Variants in GPR137C observed in about 807,000 individuals in gnomAD.
GPR137C encodes the protein integral membrane protein GPR137C.
Under a neutral mutation model 43.4 loss-of-function variants are expected in GPR137C, and 27 were observed. That is an observed-to-expected ratio of 0.62 (90% CI 0.46 to 0.86). GPR137C has a LOEUF of 0.86. GPR137C is among the 40% of genes least tolerant of loss of function. The probability of loss-of-function intolerance (pLI) is 0.00; values close to 1 mark genes in which losing one functional copy is unlikely to be tolerated. For synonymous variants in GPR137C, 285 were observed against 226.9 expected (o/e 1.26, Z -2.30); for missense variants, 522 against 534.6 (o/e 0.98, Z 0.23).
intron 3 of GPR137C, among the ~76,000 whole-genome samples, chr14:52,629,778 A>G (rs2039273450): frequency 6.6e-6 from 1 of 152,190 alleles, no homozygotes; most frequent in Admixed American, 6.5e-5. Context: ...ACATTTGTCA[A>G]AACTCAATGA....
Position 52,553,179 on chromosome 14 carries a change from C to G in GPR137C, c.32C>G (p.Ala11Gly), listed in dbSNP as rs1318235627. MRVSVPGPAA[A>G]AAPAAGREPS... is the part of the protein sequence containing the mutation. ...GTGTCCGTGCCGGGTCCGGCGGCCG[C>G]TGCCGCCCCCGCAGCCGGCCGCGAG... The change falls in exon 1 of 7, where the codon GCT becomes GGT. Residue 11 changes from alanine (A) to glycine (G), a missense_variant. Ala to Gly is a moderately conservative substitution (Grantham distance 60). Around this residue, in one of 3 missense-constraint regions of GPR137C, gnomAD observed 437 missense variants for 425.7 expected, o/e 1.03. Coordinates refer to ENST00000321662, the MANE Select transcript of GPR137C (RefSeq NM_001099652.2). 52 of 1,191,120 alleles carry G rather than the reference C, an allele frequency of 4.4e-5. No individual in the cohort carries two copies. The highest frequency in any genetic ancestry group is 4.9e-5 in the Non-Finnish European group (47 of 963,648). 73.8% of individuals were successfully genotyped at this position (1,191,120 alleles called of 1,614,324 possible). A position where few individuals can be genotyped will look rare whatever the true frequency, so the allele number is the denominator to read the frequency against.
intron 1 of GPR137C, among the ~76,000 whole-genome samples, chr14:52,568,671 C>T (rs1247757985): frequency 6.6e-6 from 1 of 152,232 alleles, no homozygotes; most frequent in African/African-American, 2.4e-5. Context: ...GTAAACAAAG[C>T]CACCTGGAAG....
At chr14:52,585,121 A>G (rs2038696386) in intron 1 of GPR137C, among the ~76,000 whole-genome samples, 1 of 152,236 alleles carries the variant, frequency 6.6e-6, no homozygotes, top group Non-Finnish European at 1.5e-5. Flanking sequence ...AGAAAAAAAT[A>G]GAATCCATCT....
Position 52,553,598 on chromosome 14 carries a change from CGGG to C in GPR137C, c.444+8_444+10del, listed in dbSNP as rs1004419652. 2 of 1,535,288 alleles carry C rather than the reference CGGG, an allele frequency of 1.3e-6. No individual in the cohort carries two copies. Among genetic ancestry groups the C allele is most frequent in the African/African-American group, 2.8e-5 (2 of 72,540 alleles). ...CAACCTCTACCTGGCGGAGGTAAGG[CGGG>C]AGGGCCGGCATGCGGGGCCCGGGCG... On this transcript the variant is annotated splice_region_variant and intron_variant, in intron 1 of 6. Coordinates refer to ENST00000321662, the MANE Select transcript of GPR137C (RefSeq NM_001099652.2).
At chr14:52,587,857 G>A (rs1594792072) in intron 1 of GPR137C, among the ~76,000 whole-genome samples, 1 of 152,308 alleles carries the variant, frequency 6.6e-6, no homozygotes, top group Non-Finnish European at 1.5e-5. Flanking sequence ...GGAAGGTGGA[G>A]CTAGGCAATA....
At chr14:52,582,139 A>C (rs2038656037) in intron 1 of GPR137C, among the ~76,000 whole-genome samples, 2 of 152,188 alleles carry the variant, frequency 1.3e-5, no homozygotes, top group African/African-American at 4.8e-5. Context: ...CCAGTGTCTG[A>C]TAAGGATCCA....
At chr14:52,622,981 TAC>T (rs557744753) in intron 3 of GPR137C, among the ~76,000 whole-genome samples, 116 of 152,264 alleles carry the variant, frequency 7.6e-4, no homozygotes, top group Non-Finnish European at 1.2e-3. Flanking sequence ...CCAATAATTT[TAC>T]ACACAATTGG....
At chr14:52,570,685 G>A (rs933288661) in intron 1 of GPR137C, among the ~76,000 whole-genome samples, 3 of 152,086 alleles carry the variant, frequency 2.0e-5, no homozygotes, top group Non-Finnish European at 2.9e-5. Flanking sequence ...AAAAAAAGCA[G>A]GGGTTGCAAT....
At chr14:52,628,461 G>GA (rs1158630461) in intron 3 of GPR137C, among the ~76,000 whole-genome samples, 3 of 152,004 alleles carry the variant, frequency 2.0e-5, no homozygotes, top group Non-Finnish European at 4.4e-5. Flanking sequence ...AAGTAACCAT[G>GA]AAAAAAATAA....
At chr14:52,604,686 G>T (rs1226001790) in intron 3 of GPR137C, among the ~76,000 whole-genome samples, 1 of 152,144 alleles carries the variant, frequency 6.6e-6, no homozygotes, top group Non-Finnish European at 1.5e-5. Context: ...GATCTCAGGT[G>T]ATCCACCTGC....
intron 1 of GPR137C, among the ~76,000 whole-genome samples, chr14:52,589,889 T>C (rs11848491): frequency 0.12 from 18,193 of 152,262 alleles, 1,235 homozygotes; most frequent in Non-Finnish European, 0.15. Context: ...TATAAAAGTG[T>C]AGCACATACA....
At chr14:52,629,348 A>T (rs973375827) in intron 3 of GPR137C, among the ~76,000 whole-genome samples, 2 of 152,240 alleles carry the variant, frequency 1.3e-5, no homozygotes, top group African/African-American at 4.8e-5. Context: ...TAACTGTCAT[A>T]TAAACAAACT....
chr14:52,614,817 T>G (rs905483959), intron 3 of GPR137C, among the ~76,000 whole-genome samples: 10 of 152,234 alleles, frequency 6.6e-5, no homozygotes, highest in African/African-American at 2.4e-4. Flanking sequence ...ATTAAATTTT[T>G]TTTCCTATAG....
chr14:52,628,116 A>G (rs768531816), intron 3 of GPR137C, among the ~76,000 whole-genome samples: 1 of 152,348 alleles, frequency 6.6e-6, no homozygotes, highest in African/African-American at 2.4e-5. Flanking sequence ...GAAACTTAGT[A>G]TAAAGCTACA....
At chr14:52,553,784 T>C (rs1321496384) in intron 1 of GPR137C, among the ~76,000 whole-genome samples, 193 bp downstream of exon 1, 1 of 152,166 alleles carries the variant, frequency 6.6e-6, no homozygotes, top group Non-Finnish European at 1.5e-5. Context: ...ATTGGCTTGA[T>C]TACTGAGGGG....
Position 52,552,919 on chromosome 14 carries a change from AG to A in GPR137C, c.-228del, listed in dbSNP as rs888569603. Among the ~76,000 whole-genome samples, 7 of 150,812 alleles carry A rather than the reference AG, an allele frequency of 4.6e-5. No homozygotes were observed. Among genetic ancestry groups the A allele is most frequent in the Non-Finnish European group, 7.4e-5 (5 of 67,712 alleles). ...GTTGTTTTTTGCAGCTACGGAGCCG[AG>A]CCGCAGCAGGAGGAGCCGAGACCCC... On this transcript the variant is annotated 5_prime_UTR_variant, in exon 1 of 7. Coordinates refer to ENST00000321662, the MANE Select transcript of GPR137C (RefSeq NM_001099652.2).
At chr14:52,612,305 C>A in intron 3 of GPR137C, 2 of 897,490 alleles carry the variant, frequency 2.2e-6, no homozygotes, top group South Asian at 5.1e-5. Context: ...AGGATTTTCT[C>A]ATGCTATTAA....
Position 52,633,628 on chromosome 14 carries a change from C to A in GPR137C, c.966C>A (p.Phe322Leu), listed in dbSNP as rs2039318667. The change falls in exon 5 of 7, where the codon TTC (phenylalanine) becomes TTA (leucine). Residue 322 changes from phenylalanine (F) to leucine (L), a missense_variant. Coordinates refer to ENST00000321662, the MANE Select transcript of GPR137C (RefSeq NM_001099652.2). ...HVPAWSVVLFFRAQRLNQNLA... is the reference protein window; with the variant it reads ...HVPAWSVVLFLRAQRLNQNLA... ...CAGCATGGTCGGTGGTACTGTTTTTCCGGGCACAGAGATTAAACCAGAATT... is the reference window on the plus strand; with the variant it reads ...CAGCATGGTCGGTGGTACTGTTTTTACGGGCACAGAGATTAAACCAGAATT... 6.2e-7 allele frequency: 1 copy of A among 1,612,906 alleles called. No individual in the cohort carries two copies. Among genetic ancestry groups the A allele is most frequent in the Non-Finnish European group, 8.5e-7 (1 of 1,179,310 alleles).
rs781137755 is a variant in GPR137C, at chr14:52,600,072, T to TTA, written c.489-41_489-40insTA. 7.7e-6 allele frequency: 10 copies of TTA among 1,298,104 alleles called. No homozygotes were observed. The South Asian group carries it at 1.2e-4, about 16-fold the overall frequency. 80.4% of individuals were successfully genotyped at this position (1,298,104 alleles called of 1,614,324 possible). Reference sequence around the variant, plus strand: ...TAATGCAGAATTAAATTTGATTTCTTATTAGTTATATAACCATCTAATATA... The same window carrying TTA: ...TAATGCAGAATTAAATTTGATTTCTTTAATTAGTTATATAACCATCTAATATA... On this transcript the variant is annotated intron_variant, in intron 2 of 6. Coordinates refer to ENST00000321662, the MANE Select transcript of GPR137C (RefSeq NM_001099652.2).
Sources: gnomAD v4.1 joint callset for allele counts (sites outside exome capture counted in the v4.1 genomes callset) on GRCh38, gnomAD v4.1.1 for gene constraint, gnomAD v4.1.1 regional missense constraint, MANE v1.5 for transcripts, NCBI Gene and HGNC (gene_info 2026-07-23, HGNC 2026-07-21) for gene names.